LCLAT1: variants seen among roughly 807,000 people sequenced by gnomAD.
The protein encoded by LCLAT1 is 1-AGP acyltransferase 8.
A neutral mutation model predicts 30.7 loss-of-function variants in LCLAT1; 11 were observed. The ratio of observed to expected loss-of-function variants is 0.36; its 90% CI spans 0.23 to 0.59. The LOEUF (loss-of-function observed/expected upper bound fraction) is 0.59. Ranked by LOEUF, LCLAT1 falls within the 20% of genes least tolerant of loss-of-function variation. The pLI is 0.77. For synonymous variants in LCLAT1, 155 were observed against 151.3 expected, an observed-to-expected ratio of 1.02 and a Z score of -0.18; for missense variants, 402 against 458.6, an observed-to-expected ratio of 0.88 and a Z score of 1.13.
At chr2:30,474,804 A>C (rs1222437026) in intron 1 of LCLAT1, among the ~76,000 whole-genome samples, 1 of 151,552 alleles carries the variant, frequency 6.6e-6, no homozygotes, top group African/African-American at 2.4e-5. Flanking sequence ...GTGCACCACC[A>C]CACATGGCTA....
At chr2:30,555,996 A>G (rs1342483066) in intron 3 of LCLAT1, among the ~76,000 whole-genome samples, 3 of 151,970 alleles carry the variant, frequency 2.0e-5, no homozygotes, top group African/African-American at 4.8e-5. Context: ...GGGTTTCACC[A>G]TGTTAGCCAG....
chr2:30,538,053 C>T (rs1267157833), intron 3 of LCLAT1, among the ~76,000 whole-genome samples: 3 of 151,290 alleles, frequency 2.0e-5, no homozygotes, highest in African/African-American at 4.9e-5. Context: ...CATAACACAC[C>T]GAAACCTATA....
At chr2:30,612,790 T>C (rs1667802641) in intron 5 of LCLAT1, among the ~76,000 whole-genome samples, 1 of 152,160 alleles carries the variant, frequency 6.6e-6, no homozygotes, top group Non-Finnish European at 1.5e-5. Flanking sequence ...ATTCTTAGGC[T>C]CTCTGCCAAG....
At chr2:30,610,938 G>GT (rs1331880023) in intron 5 of LCLAT1, among the ~76,000 whole-genome samples, 5 of 150,838 alleles carry the variant, frequency 3.3e-5, no homozygotes, top group Admixed American at 2.6e-4. Flanking sequence ...CTTTTCTTCA[G>GT]TTTTTTTAAT....
At chr2:30,476,832 T>C (rs1558462705) in intron 1 of LCLAT1, among the ~76,000 whole-genome samples, 1 of 152,180 alleles carries the variant, frequency 6.6e-6, no homozygotes, top group Non-Finnish European at 1.5e-5. Context: ...GGCTGTCAGC[T>C]CTCTGAGGGT....
At chr2:30,500,508 A>AT (rs1684323384) in intron 1 of LCLAT1, among the ~76,000 whole-genome samples, 1 of 152,182 alleles carries the variant, frequency 6.6e-6, no homozygotes, top group African/African-American at 2.4e-5. Flanking sequence ...CTGCTGAATT[A>AT]TTTTTCTAAA....
intron 5 of LCLAT1, among the ~76,000 whole-genome samples, chr2:30,595,250 C>A (rs116454034): frequency 0.01 from 1,589 of 152,170 alleles, 31 homozygotes; most frequent in African/African-American, 0.037. Context: ...TGACCACTAT[C>A]CTTTGTGGGG....
At chr2:30,572,014 T>G (rs1665799648) in intron 5 of LCLAT1, among the ~76,000 whole-genome samples, 1 of 152,194 alleles carries the variant, frequency 6.6e-6, no homozygotes, top group Non-Finnish European at 1.5e-5. Flanking sequence ...GACCTGCACA[T>G]CATGAAGCAG....
chr2:30,562,364 T>C (rs1665270774), intron 4 of LCLAT1, 72 bp downstream of exon 4: 2 of 1,244,952 alleles, frequency 1.6e-6, no homozygotes, highest in Non-Finnish European at 1.1e-6. Flanking sequence ...ATGAAGTAAC[T>C]GAACACCAAC....
chr2:30,590,229 G>A (rs1186208013), intron 5 of LCLAT1, among the ~76,000 whole-genome samples: 1 of 151,926 alleles, frequency 6.6e-6, no homozygotes, highest in Admixed American at 6.6e-5. Context: ...TGTGAGTGAA[G>A]ATGTGTCTTG....
chr2:30,616,643 C>T (rs1001250964), intron 5 of LCLAT1, among the ~76,000 whole-genome samples: 3 of 151,530 alleles, frequency 2.0e-5, no homozygotes, highest in African/African-American at 2.4e-5. Flanking sequence ...TATTTGTGAC[C>T]CTGAAGGAAA....
At chr2:30,457,926 G>T (rs72853170) in intron 1 of LCLAT1, among the ~76,000 whole-genome samples, 2,030 of 152,098 alleles carry the variant, frequency 0.013, 33 homozygotes, top group African/African-American at 0.046. Flanking sequence ...AAGAGATGTT[G>T]TAAGTTACAC....
At chr2:30,561,850 G>T (rs1190673243) in intron 3 of LCLAT1, among the ~76,000 whole-genome samples, 1 of 152,080 alleles carries the variant, frequency 6.6e-6, no homozygotes, top group Non-Finnish European at 1.5e-5. Context: ...GGATAAGTTA[G>T]TGATAAATAC....
chr2:30,563,060 T>C (rs1665315792), intron 4 of LCLAT1, among the ~76,000 whole-genome samples: 1 of 152,028 alleles, frequency 6.6e-6, no homozygotes, highest in African/African-American at 2.4e-5. Context: ...AAACTTTTTT[T>C]TTTTTTCTTT....
intron 1 of LCLAT1, among the ~76,000 whole-genome samples, chr2:30,456,916 C>A (rs1292647936): frequency 1.3e-5 from 2 of 152,104 alleles, no homozygotes; most frequent in Non-Finnish European, 2.9e-5. Context: ...GGGATTACTT[C>A]TTTATGGAAG....
intron 1 of LCLAT1, among the ~76,000 whole-genome samples, chr2:30,515,509 G>T (rs1685136073): frequency 1.3e-5 from 2 of 152,198 alleles, no homozygotes; most frequent in African/African-American, 4.8e-5. Context: ...TTAACTTAAA[G>T]AATAACGTAC....
chr2:30,556,989 C>T (rs191310910), intron 3 of LCLAT1, among the ~76,000 whole-genome samples: 368 of 152,272 alleles, frequency 2.4e-3, no homozygotes, highest in Non-Finnish European at 3.8e-3. Flanking sequence ...CGTGATCCGC[C>T]TGCGTCGGCC....
At chr2:30,513,718 C>T (rs182234344) in intron 1 of LCLAT1, among the ~76,000 whole-genome samples, 42 of 152,298 alleles carry the variant, frequency 2.8e-4, no homozygotes, top group Admixed American at 1.7e-3. Context: ...CCTCTGCTAA[C>T]TGAGATAAAT....
rs935275347 is a variant in LCLAT1, at chr2:30,462,220, A to G, written c.-5+14837A>G. Among the ~76,000 whole-genome samples, 56 of 152,236 alleles carry G rather than the reference A, an allele frequency of 3.7e-4. 1 individual carries two copies. Among genetic ancestry groups the G allele is most frequent in the Non-Finnish European group, 1.0e-4 (7 of 68,040 alleles). On this transcript the variant is annotated intron_variant, in intron 1 of 5. Transcript: ENST00000379509. ...ATTAATGCTGTCCCAGTCTTTATAT[A>G]CAACAAAAGAAAACAAGCACCTATT...
Sources: gnomAD v4.1 joint callset for allele counts (sites outside exome capture counted in the v4.1 genomes callset) on GRCh38, gnomAD v4.1.1 for gene constraint, MANE v1.5 for transcripts, NCBI Gene and HGNC (gene_info 2026-07-23, HGNC 2026-07-21) for gene names.